Variants in SLX4IP observed in about 807,000 individuals in gnomAD.
SLX4IP encodes SLX4 interacting protein.
A neutral mutation model predicts 32.9 loss-of-function variants in SLX4IP; 34 were observed. The ratio of observed to expected loss-of-function variants is 1.03; its 90% CI spans 0.79 to 1.38. The LOEUF is 1.38. Among genes scored for constraint, SLX4IP ranks in the 40% most tolerant of loss-of-function variants. SLX4IP has a pLI of 0.00. For synonymous variants in SLX4IP, 172 were observed against 171.7 expected, an observed-to-expected ratio of 1.00 and a Z score of -0.01; for missense variants, 444 against 479.0, an observed-to-expected ratio of 0.93 and a Z score of 0.68.
At chr20:10,588,380 G>A (rs1255833327) in intron 4 of SLX4IP, among the ~76,000 whole-genome samples, 2 of 152,130 alleles carry the variant, frequency 1.3e-5, no homozygotes, top group Non-Finnish European at 2.9e-5. Context: ...TGGAGAAAAG[G>A]GAACCCTTGC....
chr20:10,470,276 G>A (rs2065413896), intron 2 of SLX4IP, among the ~76,000 whole-genome samples: 1 of 152,146 alleles, frequency 6.6e-6, no homozygotes, highest in African/African-American at 2.4e-5. Context: ...GAGGGATGGG[G>A]TAGCGATTGA....
chr20:10,485,578 A>G (rs2065564909), intron 2 of SLX4IP, among the ~76,000 whole-genome samples: 1 of 151,634 alleles, frequency 6.6e-6, no homozygotes, highest in Non-Finnish European at 1.5e-5. Context: ...AGATCGCACC[A>G]CTACACTTCA....
At chr20:10,555,195 TTA>T (rs1491526464) in intron 2 of SLX4IP, among the ~76,000 whole-genome samples, 218 of 150,214 alleles carry the variant, frequency 1.5e-3, no homozygotes, top group African/African-American at 5.1e-3. Context: ...AGGACAGAAT[TTA>T]AAAAAAAAAA....
chr20:10,505,994 A>T (rs1600940288), intron 2 of SLX4IP, among the ~76,000 whole-genome samples: 1 of 152,332 alleles, frequency 6.6e-6, no homozygotes, highest in African/African-American at 2.4e-5. Flanking sequence ...CACAGATAGC[A>T]TAGTCTCTGG....
chr20:10,605,704 C>G (rs1343992681), intron 6 of SLX4IP, among the ~76,000 whole-genome samples: 2 of 152,094 alleles, frequency 1.3e-5, no homozygotes, highest in East Asian at 3.9e-4. Context: ...AGTTGTGGTT[C>G]AAGTTGTGAA....
intron 4 of SLX4IP, among the ~76,000 whole-genome samples, chr20:10,587,025 G>T (rs1427963617): frequency 5.3e-5 from 8 of 151,836 alleles, no homozygotes; most frequent in Non-Finnish European, 1.2e-4. Context: ...ATTTTATGAG[G>T]TTACTATAAC....
chr20:10,555,841 A>G (rs939064688), intron 2 of SLX4IP, among the ~76,000 whole-genome samples: 3 of 152,184 alleles, frequency 2.0e-5, no homozygotes, highest in Non-Finnish European at 2.9e-5. Context: ...TGCTTAGAAG[A>G]AAGAATTCCC....
At chr20:10,507,866 T>C (rs1276089721) in intron 2 of SLX4IP, among the ~76,000 whole-genome samples, 1 of 151,310 alleles carries the variant, frequency 6.6e-6, no homozygotes, top group Non-Finnish European at 1.5e-5. Context: ...CTGTGAATAC[T>C]TAAAAGGCAT....
In SLX4IP at chr20:10,574,518, T is replaced by C. The variant is rs1381058179; in HGVS notation, c.238+13698T>C. Among the ~76,000 whole-genome samples, 3 of 152,174 alleles carry C rather than the reference T, an allele frequency of 2.0e-5. No homozygotes were observed. The South Asian group carries it at 6.2e-4, about 32-fold the overall frequency. On this transcript the variant is annotated intron_variant, in intron 4 of 7. Transcript: ENST00000334534. ...AATGCCAGTTCTGATGGAGCTTTTA[T>C]GGTGACACAACTCCAGTATTACTTT...
In SLX4IP at chr20:10,454,119, A is replaced by G. The variant is rs901599591; in HGVS notation, c.-29-4057A>G. On this transcript the variant is annotated intron_variant, in intron 1 of 7. Transcript: ENST00000334534. ...TTCAGCCAAATAGGTTTTTTTCTGT[A>G]TTTGGTTTTCTTTCATAATTTAATC... is the stretch of plus-strand genomic sequence containing the variant. 5.3e-5 allele frequency among the ~76,000 whole-genome samples: 8 copies of G among 151,728 alleles called. No individual in the cohort carries two copies. In the East Asian group the frequency reaches 7.8e-4, roughly 15 times the overall value.
intron 2 of SLX4IP, among the ~76,000 whole-genome samples, chr20:10,511,035 C>CT (rs2065803466): frequency 6.6e-6 from 1 of 152,222 alleles, no homozygotes; most frequent in Non-Finnish European, 1.5e-5. Flanking sequence ...TCCCGGGTGA[C>CT]TTTATCAGAG....
chr20:10,552,331 C>T (rs1427177165), intron 2 of SLX4IP, among the ~76,000 whole-genome samples: 1 of 152,022 alleles, frequency 6.6e-6, no homozygotes, highest in Non-Finnish European at 1.5e-5. Flanking sequence ...CTAGAAATAA[C>T]CTTCTCCTAA....
chr20:10,461,308 A>G (rs553067391), intron 2 of SLX4IP, among the ~76,000 whole-genome samples: 1 of 152,244 alleles, frequency 6.6e-6, no homozygotes, highest in Non-Finnish European at 1.5e-5. Context: ...TGGAAATGGC[A>G]TATTCTGCTA....
At chr20:10,531,793 A>G (rs1033052174) in intron 2 of SLX4IP, among the ~76,000 whole-genome samples, 3 of 152,188 alleles carry the variant, frequency 2.0e-5, no homozygotes, top group Non-Finnish European at 2.9e-5. Context: ...GACACCTCCT[A>G]GCGTCTGGAG....
At chr20:10,618,939 T>C (rs1466761199) in intron 6 of SLX4IP, among the ~76,000 whole-genome samples, 1 of 10,376 alleles carries the variant, frequency 9.6e-5, no homozygotes. Context: ...GGCTTGGGGG[T>C]TGGGGGGGCG....
intron 2 of SLX4IP, among the ~76,000 whole-genome samples, chr20:10,515,079 CTTTTTT>C (rs35576843): frequency 1.2e-5 from 1 of 82,890 alleles, no homozygotes; most frequent in African/African-American, 4.6e-5. Flanking sequence ...TAAGTTGAAG[CTTTTTT>C]TTTTTTTTTT....
At chr20:10,574,168 G>A (rs971814155) in intron 4 of SLX4IP, among the ~76,000 whole-genome samples, 5 of 152,090 alleles carry the variant, frequency 3.3e-5, no homozygotes, top group African/African-American at 1.2e-4. Flanking sequence ...ACCTGTTATG[G>A]ACATAGCCAG....
chr20:10,595,234 C>A (rs1385733555), intron 4 of SLX4IP, among the ~76,000 whole-genome samples: 1 of 152,088 alleles, frequency 6.6e-6, no homozygotes, highest in Non-Finnish European at 1.5e-5. Context: ...TATTGCAAAG[C>A]TTTTTCTCCC....
chr20:10,512,849 T>TCTTGAA (rs2065822959), intron 2 of SLX4IP, among the ~76,000 whole-genome samples: 1 of 142,208 alleles, frequency 7.0e-6, no homozygotes, highest in Non-Finnish European at 1.5e-5. Flanking sequence ...CCTAGGCTGG[T>TCTTGAA]CTTGAACTCC....
Sources: allele counts gnomAD v4.1 joint callset (sites outside exome capture counted in the v4.1 genomes callset), GRCh38; gene constraint gnomAD v4.1.1; transcripts MANE v1.5; gene names NCBI Gene and HGNC (gene_info 2026-07-23, HGNC 2026-07-21).